Variants in PARD6G observed in about 807,000 individuals in gnomAD.
The protein encoded by PARD6G is partitioning defective 6 homolog gamma.
Under a neutral mutation model 10.7 loss-of-function variants are expected in PARD6G, and 7 were observed. The observed-to-expected ratio is 0.66, with a 90% CI of 0.37 to 1.23. The LOEUF is 1.23. Among genes scored for constraint, PARD6G ranks in the 50% most tolerant of loss-of-function variants. The pLI is 0.02. For missense variants in PARD6G, 548 were observed against 571.8 expected (o/e 0.96, Z 0.42); for synonymous variants, 287 against 269.4 (o/e 1.07, Z -0.64).
chr18:80,215,898 C>G (rs1055920411), intron 1 of PARD6G, among the ~76,000 whole-genome samples: 1 of 151,896 alleles, frequency 6.6e-6, no homozygotes, highest in South Asian at 2.1e-4. Flanking sequence ...GCTTTACATT[C>G]AGGGAAACAA....
At chr18:80,230,134 G>A (rs1343032501) in intron 1 of PARD6G, among the ~76,000 whole-genome samples, 1 of 152,222 alleles carries the variant, frequency 6.6e-6, no homozygotes, top group African/African-American at 2.4e-5. Flanking sequence ...AGAGCCCCTG[G>A]CCTACAGCAG....
intron 2 of PARD6G, among the ~76,000 whole-genome samples, chr18:80,187,260 C>A (rs1017875988): frequency 2.0e-5 from 3 of 152,154 alleles, no homozygotes. Flanking sequence ...GGGGATGGCA[C>A]GCGTGGGTGG....
rs1280171355 is a variant in PARD6G, at chr18:80,246,112, C to T, written c.72+1165G>A. Among the ~76,000 whole-genome samples, 5 of 152,092 alleles carry T rather than the reference C, an allele frequency of 3.3e-5. No individual in the cohort carries two copies. Among genetic ancestry groups the T allele is most frequent in the African/African-American group, 9.7e-5 (4 of 41,422 alleles). On this transcript the variant is annotated intron_variant, in intron 1 of 2. Coordinates refer to ENST00000353265, the MANE Select transcript of PARD6G (RefSeq NM_032510.4). The surrounding 1 kb of genome is among the most constrained non-coding windows in gnomAD (Gnocchi z 6.7). ...CCAGAGACAGGGGAGGGAACACCCG[C>T]CCTGCGCCCAAGATAGGCACACAGT...
rs1310934909 is a variant in PARD6G at position 80,188,094 on chromosome 18, C to T, written c.295+14616G>A. On this transcript the variant is annotated intron_variant, in intron 2 of 2. Transcript: ENST00000353265. The surrounding 1 kb of genome is among the most constrained non-coding windows in gnomAD (Gnocchi z 5.4). ...ACGGGAGGTGTTACGTGGCGCGCGA[C>T]CGTGCTCAATATTAGAAGTAAGATG... Among the ~76,000 whole-genome samples, 3 of 152,216 alleles carry T rather than the reference C, an allele frequency of 2.0e-5. No individual in the cohort carries two copies. The highest frequency in any genetic ancestry group is 2.9e-5 in the Non-Finnish European group (2 of 68,040).
chr18:80,163,690 G>A (rs568625581), intron 2 of PARD6G, among the ~76,000 whole-genome samples: 1 of 152,316 alleles, frequency 6.6e-6, no homozygotes, highest in African/African-American at 2.4e-5. Context: ...AGAACTGTAG[G>A]ATACAGAGAA....
chr18:80,236,136 C>G (rs936693802), intron 1 of PARD6G, among the ~76,000 whole-genome samples: 1 of 152,194 alleles, frequency 6.6e-6, no homozygotes. Flanking sequence ...AGCAGCACAT[C>G]AAAAAGCTTA....
chr18:80,214,109 T>G (rs967367480), intron 1 of PARD6G, among the ~76,000 whole-genome samples: 1 of 152,088 alleles, frequency 6.6e-6, no homozygotes, highest in African/African-American at 2.4e-5. Context: ...TTAGCTATTA[T>G]AAATATTTTC....
At chr18:80,198,366 G>A (rs1302551581) in intron 2 of PARD6G, among the ~76,000 whole-genome samples, 1 of 152,160 alleles carries the variant, frequency 6.6e-6, no homozygotes, top group Admixed American at 6.5e-5. Flanking sequence ...ACAATTATCA[G>A]AATAGTAAAA....
rs112444270 is a variant in PARD6G, at chr18:80,200,067, C to A, written c.295+2643G>T. On this transcript the variant is annotated intron_variant, in intron 2 of 2. Transcript: ENST00000353265. The surrounding 1 kb of genome is among the most constrained non-coding windows in gnomAD (Gnocchi z 4.4). ...AACATATATTTAAATAAAATACGTC[C>A]GTGTACAGAAAGTTATTAAGTAAAT... Among the ~76,000 whole-genome samples the A allele has an allele frequency of 4.9e-4, 74 of 152,204 alleles. 1 individual carries two copies. The highest frequency in any genetic ancestry group is 6.8e-3 in the Middle Eastern group (2 of 294).
intron 1 of PARD6G, among the ~76,000 whole-genome samples, chr18:80,225,912 C>A (rs959277693): frequency 1.3e-5 from 2 of 152,156 alleles, no homozygotes; most frequent in Admixed American, 6.5e-5. Context: ...GAGGGCCCCA[C>A]ACACGGATGT....
chr18:80,212,875 A>AC (rs1967123367), intron 1 of PARD6G, among the ~76,000 whole-genome samples: 1 of 143,218 alleles, frequency 7.0e-6, no homozygotes, highest in South Asian at 2.1e-4. Flanking sequence ...ACAGAGCGAG[A>AC]CCCCATCTCA....
intron 1 of PARD6G, among the ~76,000 whole-genome samples, chr18:80,234,782 G>C (rs1481554735): frequency 2.0e-5 from 3 of 152,086 alleles, no homozygotes; most frequent in African/African-American, 7.2e-5. Context: ...TAATGGTAAA[G>C]GGATCAATTC....
rs1435640690 is a variant in PARD6G, at chr18:80,202,579, T to A, written c.295+131A>T. On this transcript the variant is annotated intron_variant, in intron 2 of 2. Coordinates refer to ENST00000353265, the MANE Select transcript of PARD6G (RefSeq NM_032510.4). Reference sequence around the variant, plus strand: ...CTATTAATGCTGATGAAACAATTTTTAATTTCTTTAATCTCCTACTACAGG... The same window carrying A: ...CTATTAATGCTGATGAAACAATTTTAAATTTCTTTAATCTCCTACTACAGG... 5 of 677,670 alleles carry A rather than the reference T, an allele frequency of 7.4e-6. No individual in the cohort carries two copies. In the East Asian group the frequency reaches 1.4e-4, roughly 19 times the overall value. The allele number at this position is 677,670 out of a possible 1,614,324, so 42.0% of individuals were successfully genotyped here.
chr18:80,208,992 T>C (rs1270756444), intron 1 of PARD6G, among the ~76,000 whole-genome samples: 1 of 152,056 alleles, frequency 6.6e-6, no homozygotes, highest in Non-Finnish European at 1.5e-5. Context: ...CCCAGCTACT[T>C]GGGAGGGTGC....
Position 80,183,288 on chromosome 18 carries a change from G to C in PARD6G, c.295+19422C>G. 3.0e-6 allele frequency: 2 copies of C among 657,206 alleles called. No individual in the cohort carries two copies. The highest frequency in any genetic ancestry group is 1.6e-5 in the South Asian group (1 of 61,510). 40.7% of individuals were successfully genotyped at this position (657,206 alleles called of 1,614,324 possible). A position where few individuals can be genotyped will look rare whatever the true frequency, so the allele number is the denominator to read the frequency against. ...AGCCGCATACAGGCATAGTGGAAAA[G>C]TACGCTGACCTTCTCAGTGGCTCTA... On this transcript the variant is annotated intron_variant, in intron 2 of 2. Coordinates refer to ENST00000353265, the MANE Select transcript of PARD6G (RefSeq NM_032510.4). The surrounding 1 kb of genome is among the most constrained non-coding windows in gnomAD (Gnocchi z 4.5).
At chr18:80,214,497 A>G (rs1218861246) in intron 1 of PARD6G, among the ~76,000 whole-genome samples, 3 of 152,160 alleles carry the variant, frequency 2.0e-5, no homozygotes, top group Non-Finnish European at 4.4e-5. Flanking sequence ...CACCAAATAG[A>G]GAATACCAAT....
Position 80,182,475 on chromosome 18 carries a change from G to C in PARD6G, c.295+20235C>G, listed in dbSNP as rs1442336198. On this transcript the variant is annotated intron_variant, in intron 2 of 2. Coordinates refer to ENST00000353265, the MANE Select transcript of PARD6G (RefSeq NM_032510.4). The surrounding 1 kb of genome is among the most constrained non-coding windows in gnomAD (Gnocchi z 4.5). ...TACAAAAATAAACATGTTTGCCTTT[G>C]CTTGTTATTGCCAAGGAAGCCATCT... is the stretch of plus-strand genomic sequence containing the variant. Among the ~76,000 whole-genome samples, 1 of 152,216 alleles carries C rather than the reference G, an allele frequency of 6.6e-6. No individual in the cohort carries two copies. Among genetic ancestry groups the C allele is most frequent in the Non-Finnish European group, 1.5e-5 (1 of 68,030 alleles).
intron 1 of PARD6G, among the ~76,000 whole-genome samples, chr18:80,218,944 G>T (rs114626591): frequency 0.026 from 3,913 of 152,304 alleles, 160 homozygotes; most frequent in African/African-American, 0.089. Flanking sequence ...CTGTATGTTG[G>T]CCCCTTTTAG....
chr18:80,241,644 G>T (rs2046236634), intron 1 of PARD6G, among the ~76,000 whole-genome samples: 1 of 152,204 alleles, frequency 6.6e-6, no homozygotes, highest in Admixed American at 6.5e-5. Context: ...CGTCCAGCCT[G>T]GGGGACTCGG....
Sources: allele counts gnomAD v4.1 joint callset (sites outside exome capture counted in the v4.1 genomes callset), GRCh38; gene constraint gnomAD v4.1.1; non-coding constraint Gnocchi (gnomAD v3.1); transcripts MANE v1.5; gene names NCBI Gene and HGNC (gene_info 2026-07-23, HGNC 2026-07-21).